BAZ1B: variants seen among roughly 807,000 people sequenced by gnomAD.
BAZ1B encodes tyrosine-protein kinase BAZ1B.
A neutral mutation model predicts 153.8 loss-of-function variants in BAZ1B; 22 were observed. The observed-to-expected ratio is 0.14, with a 90% CI of 0.10 to 0.20. BAZ1B has a LOEUF of 0.20. BAZ1B is among the 10% of genes least tolerant of loss of function. The pLI is 1.00. For synonymous variants in BAZ1B, 676 were observed against 633.4 expected (o/e 1.07, Z -1.01); for missense variants, 1,325 against 1,799.3 (o/e 0.74, Z 4.77).
intron 3 of BAZ1B, among the ~76,000 whole-genome samples, chr7:73,506,633 C>A (rs1308239611): frequency 6.6e-6 from 1 of 151,618 alleles, no homozygotes; most frequent in Non-Finnish European, 1.5e-5. Context: ...AGGCATATCA[C>A]CCGAGGTCGA....
chr7:73,449,711 T>C lies in BAZ1B; in HGVS notation c.3581-22A>G, dbSNP rs782720818. On this transcript the variant is annotated intron_variant, in intron 14 of 19. Transcript: ENST00000339594. ...TCACCTGCAGAGAGATAAATGTGAA[T>C]AGCATTGTTGGGAGCACAGCAGCAG... 3.1e-6 allele frequency: 5 copies of C among 1,612,458 alleles called. No homozygotes were observed. In the Admixed American group the frequency reaches 6.7e-5, roughly 22 times the overall value.
chr7:73,509,696 T>C (rs1425751406), intron 2 of BAZ1B, among the ~76,000 whole-genome samples: 2 of 151,836 alleles, frequency 1.3e-5, no homozygotes, highest in Non-Finnish European at 2.9e-5. Flanking sequence ...AGAGCGAAAC[T>C]GTGCCTCTTA....
intron 1 of BAZ1B, among the ~76,000 whole-genome samples, chr7:73,517,360 G>A (rs1790849578): frequency 6.6e-6 from 1 of 152,002 alleles, no homozygotes; most frequent in Non-Finnish European, 1.5e-5. Context: ...TAGGCGTGGT[G>A]GTGTGCACCT....
intron 19 of BAZ1B, 125 bp downstream of exon 19, chr7:73,442,056 A>G (rs1787638195): frequency 1.4e-6 from 1 of 709,188 alleles, no homozygotes; most frequent in African/African-American, 1.8e-5. Context: ...AGCTTTTAGA[A>G]AAACAGCATA....
At chr7:73,493,935 T>C (rs1355934753) in intron 4 of BAZ1B, among the ~76,000 whole-genome samples, 4 of 151,570 alleles carry the variant, frequency 2.6e-5, no homozygotes, top group Non-Finnish European at 4.4e-5. Context: ...ATATGATGTA[T>C]ACTACAGTGA....
intron 7 of BAZ1B, among the ~76,000 whole-genome samples, chr7:73,471,858 CAAAGG>C (rs1218176015): frequency 1.4e-5 from 2 of 146,342 alleles, no homozygotes; most frequent in Non-Finnish European, 3.0e-5. Context: ...GAAAATAGCA[CAAAGG>C]TAAATGATTA....
intron 1 of BAZ1B, among the ~76,000 whole-genome samples, chr7:73,516,033 G>C (rs1244080252): frequency 5.3e-5 from 8 of 152,198 alleles, no homozygotes; most frequent in Non-Finnish European, 1.2e-4. Context: ...TGTAGTCCCA[G>C]CTACTCGGGA....
chr7:73,507,268 C>T (rs1790382662), intron 3 of BAZ1B: 2 of 152,058 alleles, frequency 1.3e-5, no homozygotes, highest in Admixed American at 1.3e-4. Context: ...TTAGCATGGT[C>T]ATTGCATGGG....
intron 5 of BAZ1B, among the ~76,000 whole-genome samples, chr7:73,489,890 T>C (rs1348376513): frequency 2.0e-5 from 3 of 152,218 alleles, no homozygotes; most frequent in Non-Finnish European, 2.9e-5. Flanking sequence ...TCTAAAAATA[T>C]GTATACCCTT....
intron 7 of BAZ1B, among the ~76,000 whole-genome samples, chr7:73,472,384 G>A (rs782404453): frequency 4.6e-5 from 7 of 151,496 alleles, no homozygotes; most frequent in Admixed American, 2.0e-4. Flanking sequence ...TCAGTCTACC[G>A]AGTAGCTGGG....
intron 7 of BAZ1B, among the ~76,000 whole-genome samples, chr7:73,474,162 G>T (rs979673457): frequency 2.0e-5 from 3 of 151,806 alleles, no homozygotes; most frequent in South Asian, 2.1e-4. Context: ...TTTGACAAGC[G>T]TATCAAGGCC....
At position 73,476,855 on chromosome 7, in the gene BAZ1B, C is replaced by A; in HGVS notation, c.2593+13G>T. ...TACAGAGCTTCCCCTTTTCTCTCAGCATGAAATTTTACCTTTCATTTCTCT... is the reference window on the plus strand; with the variant it reads ...TACAGAGCTTCCCCTTTTCTCTCAGAATGAAATTTTACCTTTCATTTCTCT... On this transcript the variant is annotated intron_variant, in intron 7 of 19. Coordinates refer to ENST00000339594, the MANE Select transcript of BAZ1B (RefSeq NM_032408.4). The A allele has an allele frequency of 6.3e-7, 1 of 1,578,742 alleles. No individual in the cohort carries two copies. The highest frequency in any genetic ancestry group is 8.6e-7 in the Non-Finnish European group (1 of 1,167,848).
At position 73,508,417 on chromosome 7, in the gene BAZ1B, G is replaced by C; in HGVS notation, c.279C>G (p.His93Gln). ...ACTTCTCTAAGGAGGCTGTGTTATG[G>C]TGAACCATTTCCAGAACAAGCTTCT... Reference protein sequence around the residue: ...WYEKLVLEMVHHNTASLEKLV... With the variant: ...WYEKLVLEMVQHNTASLEKLV... The change falls in exon 3 of 20, where the codon CAC (histidine) becomes CAG (glutamine). Residue 93 changes from histidine to glutamine, a missense_variant. By Grantham distance (24) the His-to-Gln change is conservative. Around this residue, in one of 9 missense-constraint regions of BAZ1B, gnomAD observed 153 missense variants for 204.8 expected, o/e 0.75. Transcript: ENST00000339594. 1 of 1,613,764 alleles carries C rather than the reference G, an allele frequency of 6.2e-7. No homozygotes were observed. Among genetic ancestry groups the C allele is most frequent in the Non-Finnish European group, 8.5e-7 (1 of 1,179,832 alleles).
intron 13 of BAZ1B, 68 bp from the exon 14 acceptor site, chr7:73,451,062 A>AG: frequency 1.3e-6 from 2 of 1,568,830 alleles, no homozygotes; most frequent in Non-Finnish European, 1.7e-6. Context: ...AACTAGGAAC[A>AG]GGGGACAGTA....
intron 6 of BAZ1B, among the ~76,000 whole-genome samples, chr7:73,485,640 AAAG>A (rs1333428724): frequency 2.6e-5 from 4 of 151,896 alleles, no homozygotes; most frequent in East Asian, 1.9e-4. Context: ...AAAAAAAAAA[AAAG>A]AGAGAGAGAA....
chr7:73,498,916 G>C (rs1478883629), intron 3 of BAZ1B, among the ~76,000 whole-genome samples: 1 of 152,168 alleles, frequency 6.6e-6, no homozygotes, highest in Non-Finnish European at 1.5e-5. Context: ...TCACAATCTA[G>C]GTTCATGATT....
rs782176079 is a variant in BAZ1B, at chr7:73,477,492, T to C, written c.1969A>G (p.Ile657Val). The C allele has an allele frequency of 2.5e-6, 4 of 1,614,064 alleles. No homozygotes were observed. The highest frequency in any genetic ancestry group is 3.4e-6 in the Non-Finnish European group (4 of 1,180,030). ...GFLYLNRVLV[I>V]LLQTLLQDEI... Reference sequence around the variant, plus strand: ...TCTTGTAGGAGGGTCTGTAAGAGGATGACCAACACCCTGTTAAGGTATAAA... The same window carrying C: ...TCTTGTAGGAGGGTCTGTAAGAGGACGACCAACACCCTGTTAAGGTATAAA... The change falls in exon 7 of 20, where the codon ATC becomes GTC. Residue 657 changes from isoleucine (I) to valine (V), a missense_variant. Transcript: ENST00000339594. This position sits in a 1 kb window ranked among gnomAD's most constrained non-coding sequence, Gnocchi z 5.6.
At chr7:73,513,135 C>T (rs1354786706) in intron 1 of BAZ1B, among the ~76,000 whole-genome samples, 3 of 152,072 alleles carry the variant, frequency 2.0e-5, no homozygotes, top group Non-Finnish European at 2.9e-5. Context: ...TTTATCTTTG[C>T]AGAGTCAGGG....
chr7:73,454,724 T>C (rs1788131486), intron 13 of BAZ1B, among the ~76,000 whole-genome samples: 1 of 152,188 alleles, frequency 6.6e-6, no homozygotes, highest in Admixed American at 6.5e-5. Flanking sequence ...TCTGGTAAGT[T>C]TTCTCTAGTG....
Sources: gnomAD v4.1 joint callset for allele counts (sites outside exome capture counted in the v4.1 genomes callset) on GRCh38, gnomAD v4.1.1 for gene constraint, gnomAD v4.1.1 regional missense constraint, Gnocchi (gnomAD v3.1) non-coding constraint, MANE v1.5 for transcripts, NCBI Gene and HGNC (gene_info 2026-07-23, HGNC 2026-07-21) for gene names.